DLGAP2: variants seen among roughly 807,000 people sequenced by gnomAD.
DLGAP2 encodes DLG associated protein 2.
In DLGAP2, 26 loss-of-function variants were observed where a neutral mutation model predicts 100.3. The observed-to-expected ratio is 0.26, with a 90% CI of 0.19 to 0.36. The LOEUF is 0.36. DLGAP2 is among the 10% of genes least tolerant of loss of function. The pLI is 1.00. For synonymous variants in DLGAP2, 886 were observed against 630.1 expected, an observed-to-expected ratio of 1.41 and a Z score of -6.08; for missense variants, 1,858 against 1,453.2, an observed-to-expected ratio of 1.28 and a Z score of -4.53.
chr8:1,348,886 C>T (rs1801636561), intron 3 of DLGAP2, among the ~76,000 whole-genome samples: 2 of 152,286 alleles, frequency 1.3e-5, no homozygotes, highest in Middle Eastern at 6.8e-3. Context: ...CCTTTGGAAT[C>T]TTGTGGCATC....
At chr8:1,257,096 AC>A (rs150700176) in intron 2 of DLGAP2, among the ~76,000 whole-genome samples, 1,738 of 151,786 alleles carry the variant, frequency 0.011, 40 homozygotes, top group African/African-American at 0.04. Context: ...AGATGTGTCC[AC>A]CCCGAGGCGT....
intron 2 of DLGAP2, chr8:1,032,616 C>T (rs992682012): frequency 6.6e-6 from 1 of 152,108 alleles, no homozygotes; most frequent in Admixed American, 6.5e-5. Flanking sequence ...TTTTACCATG[C>T]CCTAAAAGTG....
chr8:1,384,590 G>A (rs1433516134), intron 3 of DLGAP2, among the ~76,000 whole-genome samples: 1 of 133,902 alleles, frequency 7.5e-6, no homozygotes. Context: ...ACCCCGGCCT[G>A]TGCCCGGCCC....
At chr8:1,426,828 T>C (rs1797250673) in intron 3 of DLGAP2, among the ~76,000 whole-genome samples, 1 of 152,078 alleles carries the variant, frequency 6.6e-6, no homozygotes, top group South Asian at 2.1e-4. Flanking sequence ...AAAAAAAAAT[T>C]AGTGTCAGAT....
At chr8:1,560,902 C>T (rs1013913183) in intron 5 of DLGAP2, among the ~76,000 whole-genome samples, 2 of 152,340 alleles carry the variant, frequency 1.3e-5, no homozygotes, top group South Asian at 4.1e-4. Flanking sequence ...CTCTGCAGCT[C>T]TGCGGTGTCA....
chr8:1,052,040 G>A (rs763290545), intron 2 of DLGAP2, among the ~76,000 whole-genome samples: 2 of 152,174 alleles, frequency 1.3e-5, no homozygotes, highest in Non-Finnish European at 2.9e-5. Context: ...GAGAAACCAG[G>A]CTCAACACGC....
chr8:997,165 C>T (rs932718770), intron 2 of DLGAP2, among the ~76,000 whole-genome samples: 1 of 152,108 alleles, frequency 6.6e-6, no homozygotes, highest in Non-Finnish European at 1.5e-5. Context: ...ATCTCATGAT[C>T]CTCAGTTTCT....
chr8:1,441,744 C>T (rs1419095776), intron 3 of DLGAP2, among the ~76,000 whole-genome samples: 1 of 149,294 alleles, frequency 6.7e-6, no homozygotes. Flanking sequence ...GTGAAATTTG[C>T]CCTCTCAGCT....
chr8:1,147,256 G>A (rs370042047), intron 2 of DLGAP2, among the ~76,000 whole-genome samples: 14 of 152,008 alleles, frequency 9.2e-5, no homozygotes, highest in East Asian at 3.9e-4. Context: ...CTTTATGTGC[G>A]TCAAAAAAAT....
chr8:869,843 G>T (rs866532642), intron 1 of DLGAP2, among the ~76,000 whole-genome samples: 4 of 152,114 alleles, frequency 2.6e-5, no homozygotes, highest in African/African-American at 9.7e-5. Flanking sequence ...AGCGGGACAC[G>T]TTCTGAACAG....
intron 3 of DLGAP2, among the ~76,000 whole-genome samples, chr8:1,465,468 G>A (rs1798599557): frequency 6.6e-6 from 1 of 152,076 alleles, no homozygotes; most frequent in African/African-American, 2.4e-5. Context: ...ATTTGCTAGA[G>A]TGGCTCCCAG....
At chr8:1,103,987 C>T (rs376444965) in intron 2 of DLGAP2, among the ~76,000 whole-genome samples, 10 of 152,314 alleles carry the variant, frequency 6.6e-5, no homozygotes, top group African/African-American at 1.2e-4. Flanking sequence ...CCTTTCTGGG[C>T]CCCTGCATCA....
chr8:1,392,234 A>T (rs1260473437), intron 3 of DLGAP2, among the ~76,000 whole-genome samples: 9 of 152,186 alleles, frequency 5.9e-5, no homozygotes, highest in Admixed American at 5.2e-4. Context: ...CTTGAAGTGG[A>T]CGTGAGGATG....
chr8:962,463 C>T (rs554820328), intron 2 of DLGAP2, among the ~76,000 whole-genome samples: 1 of 152,308 alleles, frequency 6.6e-6, no homozygotes, highest in East Asian at 1.9e-4. Context: ...CGTCCTTGCA[C>T]TGTGGCCGTG....
At chr8:984,123 G>T (rs1003841557) in intron 2 of DLGAP2, among the ~76,000 whole-genome samples, 1 of 152,122 alleles carries the variant, frequency 6.6e-6, no homozygotes, top group East Asian at 1.9e-4. Context: ...TGTTTATTGG[G>T]ATTCCCAAAA....
chr8:1,577,587 AAAAT>A (rs1003317542), intron 6 of DLGAP2, among the ~76,000 whole-genome samples: 5 of 135,826 alleles, frequency 3.7e-5, no homozygotes, highest in Non-Finnish European at 8.3e-5. Flanking sequence ...AAAAAAAAAA[AAAAT>A]TTAAAGCAAG....
intron 2 of DLGAP2, among the ~76,000 whole-genome samples, chr8:1,157,619 T>A (rs1281010294): frequency 6.6e-6 from 1 of 152,180 alleles, no homozygotes. Flanking sequence ...CTGGGGCTGT[T>A]CTCACCTGTG....
chr8:1,628,985 T>C (rs1390665094), intron 7 of DLGAP2, among the ~76,000 whole-genome samples: 1 of 152,252 alleles, frequency 6.6e-6, no homozygotes, highest in African/African-American at 2.4e-5. Context: ...TCAAAAATGA[T>C]AGCCCTTATT....
chr8:1,327,144 C>A (rs534525532), intron 3 of DLGAP2, among the ~76,000 whole-genome samples: 2 of 152,302 alleles, frequency 1.3e-5, no homozygotes, highest in East Asian at 1.9e-4. Flanking sequence ...TGACACTGAG[C>A]GAGATTACAG....
Sources: allele counts gnomAD v4.1 joint callset (sites outside exome capture counted in the v4.1 genomes callset), GRCh38; gene constraint gnomAD v4.1.1; transcripts MANE v1.5; gene names NCBI Gene and HGNC (gene_info 2026-07-23, HGNC 2026-07-21).